Variants in RCL1 observed in about 807,000 individuals in gnomAD.
RCL1 encodes RNA 3'-terminal phosphate cyclase-like protein.
In RCL1, 24 loss-of-function variants were observed where a neutral mutation model predicts 42.4. The observed-to-expected ratio is 0.57, with a 90% confidence interval of 0.41 to 0.80. RCL1 has a LOEUF of 0.80. Ranked by LOEUF, RCL1 falls within the 30% of genes least tolerant of loss-of-function variation. RCL1 has a pLI of 0.00. For missense variants in RCL1, 578 were observed against 467.9 expected, an observed-to-expected ratio of 1.24 and a Z score of -2.17; for synonymous variants, 228 against 177.3, an observed-to-expected ratio of 1.29 and a Z score of -2.27.
intron 1 of RCL1, among the ~76,000 whole-genome samples, chr9:4,793,895 A>G (rs563075922): frequency 7.2e-5 from 11 of 152,348 alleles, no homozygotes; most frequent in African/African-American, 9.6e-5. Context: ...GTCGGTGACA[A>G]TCGCTAAACT....
chr9:4,834,066 C>T (rs974168112), intron 4 of RCL1, 75 bp from the exon 5 acceptor site: 5 of 1,525,238 alleles, frequency 3.3e-6, no homozygotes, highest in South Asian at 2.4e-5. Context: ...CTGGTGTAAA[C>T]CTTCCTGGGC....
chr9:4,823,474 G>T, intron 1 of RCL1, 74 bp from the exon 2 acceptor site: 1 of 1,158,058 alleles, frequency 8.6e-7, no homozygotes. Flanking sequence ...AATCAGGCAT[G>T]TGCTCTGGAA....
At chr9:4,841,604 T>C (rs1479017005) in intron 6 of RCL1, among the ~76,000 whole-genome samples, 2 of 152,246 alleles carry the variant, frequency 1.3e-5, no homozygotes, top group African/African-American at 4.8e-5. Context: ...TTAAAACCTT[T>C]ATCTATTAAT....
intron 7 of RCL1, 65 bp downstream of exon 7, chr9:4,844,746 T>C (rs982868905): frequency 1.3e-6 from 2 of 1,521,330 alleles, no homozygotes; most frequent in Non-Finnish European, 1.8e-6. Flanking sequence ...CATTCTCATC[T>C]CTTGGCAGCT....
intron 1 of RCL1, among the ~76,000 whole-genome samples, chr9:4,807,104 T>A (rs1816001107): frequency 6.6e-6 from 1 of 152,194 alleles, no homozygotes; most frequent in Non-Finnish European, 1.5e-5. Context: ...TTATTCCCGA[T>A]GTTGCTAATT....
At chr9:4,850,847 G>C (rs891053820) in intron 8 of RCL1, among the ~76,000 whole-genome samples, 39 of 152,050 alleles carry the variant, frequency 2.6e-4, no homozygotes, top group African/African-American at 8.7e-4. Flanking sequence ...GGCCCCACCG[G>C]CTTTGTAGCT....
At chr9:4,848,497 A>G (rs1395595386) in intron 7 of RCL1, among the ~76,000 whole-genome samples, 1 of 152,228 alleles carries the variant, frequency 6.6e-6, no homozygotes, top group Non-Finnish European at 1.5e-5. Flanking sequence ...CTGGCCACCT[A>G]TCCTGTTCAG....
intron 5 of RCL1, among the ~76,000 whole-genome samples, chr9:4,840,799 C>G (rs1458519554): frequency 6.6e-6 from 1 of 152,100 alleles, no homozygotes; most frequent in Non-Finnish European, 1.5e-5. Flanking sequence ...CTGTTCTGGG[C>G]TTAGGTTCTT....
intron 3 of RCL1, among the ~76,000 whole-genome samples, chr9:4,828,674 G>A (rs1344786999): frequency 6.6e-6 from 1 of 151,998 alleles, no homozygotes; most frequent in Non-Finnish European, 1.5e-5. Flanking sequence ...AAAAGGCCCT[G>A]AAGTGTACAG....
At chr9:4,796,833 C>T (rs1334939040) in intron 1 of RCL1, among the ~76,000 whole-genome samples, 1 of 152,154 alleles carries the variant, frequency 6.6e-6, no homozygotes, top group Non-Finnish European at 1.5e-5. Context: ...CTGCAATAAA[C>T]ATACAAGTAC....
intron 3 of RCL1, among the ~76,000 whole-genome samples, chr9:4,829,570 G>A (rs1466889791): frequency 1.3e-5 from 2 of 152,172 alleles, no homozygotes; most frequent in Non-Finnish European, 2.9e-5. Flanking sequence ...CTCAGAGACA[G>A]GTCATCACGA....
At chr9:4,851,885 C>T (rs1411262069) in intron 8 of RCL1, among the ~76,000 whole-genome samples, 24 of 124,450 alleles carry the variant, frequency 1.9e-4, no homozygotes, top group South Asian at 2.5e-4. Flanking sequence ...GTGTGAAACT[C>T]TTTTTTTTTT....
chr9:4,848,182 A>G (rs1487489234), intron 7 of RCL1, among the ~76,000 whole-genome samples: 1 of 152,178 alleles, frequency 6.6e-6, no homozygotes, highest in Non-Finnish European at 1.5e-5. Flanking sequence ...CATATTTTCC[A>G]TGGGTCAGGT....
At chr9:4,852,457 T>G (rs1403748369) in intron 8 of RCL1, among the ~76,000 whole-genome samples, 1 of 152,224 alleles carries the variant, frequency 6.6e-6, no homozygotes, top group Admixed American at 6.5e-5. Flanking sequence ...GGAATGAGAC[T>G]GCAGTTACCA....
chr9:4,820,509 C>A (rs1366698326), intron 1 of RCL1, among the ~76,000 whole-genome samples: 1 of 152,194 alleles, frequency 6.6e-6, no homozygotes, highest in Non-Finnish European at 1.5e-5. Flanking sequence ...CTGGGCGTTT[C>A]TGGTTTTGTT....
chr9:4,796,080 T>A (rs548357841), intron 1 of RCL1, among the ~76,000 whole-genome samples: 1 of 152,318 alleles, frequency 6.6e-6, no homozygotes, highest in South Asian at 2.1e-4. Flanking sequence ...AATAAACAGT[T>A]CTTTTTTTAA....
intron 7 of RCL1, among the ~76,000 whole-genome samples, chr9:4,847,700 T>G (rs1027328225): frequency 1.3e-5 from 2 of 152,240 alleles, no homozygotes; most frequent in Non-Finnish European, 2.9e-5. Context: ...CTCACTTTCC[T>G]GGGACAAAGT....
chr9:4,827,036 G>A lies in RCL1; in HGVS notation c.384+3G>A. On this transcript the variant is annotated splice_donor_region_variant and intron_variant, in intron 3 of 8. Transcript: ENST00000381750. ...CCAATGATCAGGTTGACCCTTCAGT[G>A]AGTATTGAGAACAAACCGTGGTGTG... The A allele has an allele frequency of 6.2e-7, 1 of 1,614,192 alleles. No homozygotes were observed. The highest frequency in any genetic ancestry group is 1.1e-5 in the South Asian group (1 of 91,082).
intron 8 of RCL1, chr9:4,850,489 TTTTC>T: frequency 3.3e-5 from 6 of 184,422 alleles, no homozygotes; most frequent in Non-Finnish European, 4.8e-5. Context: ...AGGCTTTTTT[TTTTC>T]TTTTTTTTTT....
Sources: allele counts gnomAD v4.1 joint callset (sites outside exome capture counted in the v4.1 genomes callset), GRCh38; gene constraint gnomAD v4.1.1; transcripts MANE v1.5; gene names NCBI Gene and HGNC (gene_info 2026-07-23, HGNC 2026-07-21).